Variants in INPP5K observed in about 807,000 individuals in gnomAD.
INPP5K encodes inositol polyphosphate-5-phosphatase K, also known as inositol polyphosphate 5-phosphatase K.
Under a neutral mutation model 53.5 loss-of-function variants are expected in INPP5K, and 35 were observed. The observed-to-expected ratio is 0.65, with a 90% confidence interval of 0.50 to 0.87. The LOEUF is 0.87. Ranked by LOEUF, INPP5K falls within the 40% of genes least tolerant of loss-of-function variation. The probability of loss-of-function intolerance (pLI) is 0.00; values close to 1 mark genes in which losing one functional copy is unlikely to be tolerated. For synonymous variants in INPP5K, 253 were observed against 232.8 expected (o/e 1.09, Z -0.79); for missense variants, 550 against 586.2 (o/e 0.94, Z 0.64).
At chr17:1,507,277 C>T (rs770857571) in intron 6 of INPP5K, 188 bp from the exon 7 acceptor site, 80 of 572,832 alleles carry the variant, frequency 1.4e-4, no homozygotes, top group Admixed American at 3.1e-4. Flanking sequence ...CGAATCCTTT[C>T]GGAAACATTA....
At chr17:1,509,880 CTA>C in intron 3 of INPP5K, 81 bp from the exon 4 acceptor site, 1 of 781,238 alleles carries the variant, frequency 1.3e-6, no homozygotes, top group Non-Finnish European at 2.2e-6. Context: ...GCTAGGGACT[CTA>C]GAGAGCCCTC....
rs758305290 is a variant in INPP5K, at chr17:1,509,185, C to T, written c.547G>A (p.Asp183Asn). 12 of 1,612,604 alleles carry T rather than the reference C, an allele frequency of 7.4e-6. No individual in the cohort carries two copies. The South Asian group carries it at 1.2e-4, about 16-fold the overall frequency. ...TGCCAGACCCAGGCTCACTCGTGGT[C>T]CAGGATGTTTGGGATGTCTCGCCCC... ...CEGRDIPNIL[D>N]HDLIIWFGDM... is the part of the protein sequence containing the mutation. Residue 183 changes from aspartate to asparagine, a missense_variant, in exon 5 of 12, where the codon GAC becomes AAC. Physicochemically the swap from Asp to Asn is conservative, Grantham distance 23. Transcript: ENST00000421807.
chr17:1,508,105 C>T lies in INPP5K; in HGVS notation c.666+10G>A. On this transcript the variant is annotated intron_variant, in intron 6 of 11. Coordinates refer to ENST00000421807, the MANE Select transcript of INPP5K (RefSeq NM_016532.4). ...AGATCACCCCCTGGGACCCTCCCCT[C>T]ACTGGATACCTGGTCCTTCTCCCAC... The T allele has an allele frequency of 3.1e-6, 5 of 1,597,010 alleles. No individual in the cohort carries two copies. Among genetic ancestry groups the T allele is most frequent in the Non-Finnish European group, 4.3e-6 (5 of 1,164,386 alleles).
At chr17:1,501,205 G>A (rs1470400472) in intron 7 of INPP5K, among the ~76,000 whole-genome samples, 2 of 152,218 alleles carry the variant, frequency 1.3e-5, no homozygotes, top group South Asian at 2.1e-4. Context: ...TGATCCGCCC[G>A]CCTCGGCCTC....
intron 4 of INPP5K, 73 bp downstream of exon 4, chr17:1,509,610 C>T: frequency 1.9e-6 from 2 of 1,074,562 alleles, no homozygotes; most frequent in Non-Finnish European, 2.9e-6. Context: ...CTTTCACTTC[C>T]TTTTTCTTTT....
rs2074836709 is a variant in INPP5K, at chr17:1,496,316, T to C, written c.1185+3A>G. 6.4e-7 allele frequency: 1 copy of C among 1,558,270 alleles called. No homozygotes were observed. Among genetic ancestry groups the C allele is most frequent in the Non-Finnish European group, 8.7e-7 (1 of 1,150,210 alleles). On this transcript the variant is annotated splice_donor_region_variant and intron_variant, in intron 10 of 11. Coordinates refer to ENST00000421807, the MANE Select transcript of INPP5K (RefSeq NM_016532.4). The stretch of plus-strand genomic sequence containing the variant: ...GGTGATGTACCTGGTGCTGGTGACG[T>C]ACCTGGTTCAGGTTGTCGCTGCAGG...
In INPP5K at chr17:1,513,943, C is replaced by T. The variant is rs375141992; in HGVS notation, c.81G>A (p.Ala27=). 3.0e-5 allele frequency: 49 copies of T among 1,612,332 alleles called. No individual in the cohort carries two copies. Among genetic ancestry groups the T allele is most frequent in the Non-Finnish European group, 3.6e-5 (43 of 1,178,932 alleles). ...HVVTWNVASA[A]PPLDLSDLLQ... ...GCAGGTCACTGAGATCTAGAGGGGG[C>T]GCTGCCGAAGCCACGTTCCAAGTCA... is the stretch of plus-strand genomic sequence containing the variant. Residue 27 remains alanine, a synonymous_variant, in exon 2 of 12, where the codon GCG becomes GCA. Coordinates refer to ENST00000421807, the MANE Select transcript of INPP5K (RefSeq NM_016532.4).
rs545073947 is a variant in INPP5K at position 1,500,618 on chromosome 17, G to A, written c.777-2496C>T. Among the ~76,000 whole-genome samples the A allele has an allele frequency of 2.0e-3, 311 of 152,258 alleles. 1 individual carries two copies. The highest frequency in any genetic ancestry group is 7.1e-3 in the African/African-American group (297 of 41,546). On this transcript the variant is annotated intron_variant, in intron 7 of 11. Transcript: ENST00000421807. ...CTGACCTCGTGATCTGCTCGCCTTGGCCTCCCAAAGTGCTGGATTACAGGC... is the reference window on the plus strand; with the variant it reads ...CTGACCTCGTGATCTGCTCGCCTTGACCTCCCAAAGTGCTGGATTACAGGC...
Position 1,498,083 on chromosome 17 carries a change from C to T in INPP5K, c.816G>A (p.Leu272=), listed in dbSNP as rs2074907895. ...KRKPAWTDRI[L]WRLKRQPCAG... is the part of the protein sequence containing the mutation. ...CACAGGGCTGCCGCTTCAGCCTCCACAGGATGCGATCGGTCCATGCAGGCT... is the reference window on the plus strand; with the variant it reads ...CACAGGGCTGCCGCTTCAGCCTCCATAGGATGCGATCGGTCCATGCAGGCT... Residue 272 remains leucine (L), a synonymous_variant, in exon 8 of 12, where the codon CTG becomes CTA. Coordinates refer to ENST00000421807, the MANE Select transcript of INPP5K (RefSeq NM_016532.4). 2.5e-6 allele frequency: 4 copies of T among 1,613,770 alleles called. No individual in the cohort carries two copies. In the Admixed American group the frequency reaches 5.0e-5, roughly 20 times the overall value.
intron 6 of INPP5K, 25 bp downstream of exon 6, chr17:1,508,090 C>T (rs1567559154): frequency 2.0e-6 from 3 of 1,536,464 alleles, no homozygotes; most frequent in Non-Finnish European, 2.7e-6. Flanking sequence ...AGATCACCCC[C>T]TGGGACCCTC....
intron 1 of INPP5K, chr17:1,515,343 A>T: frequency 1.3e-6 from 1 of 763,018 alleles, no homozygotes; most frequent in Non-Finnish European, 1.6e-6. Flanking sequence ...ACCTCAGCTT[A>T]CAAGTCTTAG....
At chr17:1,505,859 A>G (rs554312596) in intron 7 of INPP5K, among the ~76,000 whole-genome samples, 5 of 152,240 alleles carry the variant, frequency 3.3e-5, no homozygotes, top group Non-Finnish European at 5.9e-5. Context: ...CATGACATGT[A>G]AGGGGCTCTT....
chr17:1,499,126 G>A (rs1178608022), intron 7 of INPP5K, among the ~76,000 whole-genome samples: 2 of 152,218 alleles, frequency 1.3e-5, no homozygotes, highest in African/African-American at 4.8e-5. Context: ...TTGCTAGGAT[G>A]AGTCAATGAG....
intron 8 of INPP5K, 113 bp from the exon 9 acceptor site, chr17:1,496,916 G>A: frequency 2.7e-6 from 3 of 1,104,922 alleles, no homozygotes; most frequent in Non-Finnish European, 3.9e-6. Context: ...GGCACCCAGA[G>A]GGGGTGGGCA....
At chr17:1,502,161 A>G (rs113610709) in intron 7 of INPP5K, among the ~76,000 whole-genome samples, 27,956 of 151,818 alleles carry the variant, frequency 0.18, 3,379 homozygotes, top group South Asian at 0.36. Flanking sequence ...CATCCTGGCT[A>G]ACATGGTGAA....
At position 1,509,869 on chromosome 17, in the gene INPP5K, T is replaced by C; in HGVS notation, c.262-70A>G. ...CCAAGTGCATCCCTTCCAAGCTCCGTGCTAGGGACTCTAGAGAGCCCTCAG... is the reference window on the plus strand; with the variant it reads ...CCAAGTGCATCCCTTCCAAGCTCCGCGCTAGGGACTCTAGAGAGCCCTCAG... On this transcript the variant is annotated intron_variant, in intron 3 of 11. Transcript: ENST00000421807. 1.5e-5 allele frequency: 13 copies of C among 893,334 alleles called. No individual in the cohort carries two copies. In the South Asian group the frequency reaches 1.9e-4, roughly 13 times the overall value. 55.3% of individuals were successfully genotyped at this position (893,334 alleles called of 1,614,324 possible). A position where few individuals can be genotyped will look rare whatever the true frequency, so the allele number is the denominator to read the frequency against.
intron 9 of INPP5K, 118 bp downstream of exon 9, chr17:1,496,548 A>G: frequency 7.0e-7 from 1 of 1,438,028 alleles, no homozygotes; most frequent in Non-Finnish European, 9.7e-7. Flanking sequence ...TAGCTACAGA[A>G]GAACCGCTGG....
At chr17:1,509,135 G>A (rs773683455) in intron 5 of INPP5K, 43 bp downstream of exon 5, 21 of 1,374,100 alleles carry the variant, frequency 1.5e-5, no homozygotes, top group East Asian at 2.7e-5. Context: ...GGGGGTTAGC[G>A]TGGGGCAGAG....
chr17:1,498,092 ATCGG>A lies in INPP5K; in HGVS notation c.803_806del (p.Thr268IlefsTer7). 1 of 1,613,600 alleles carries A rather than the reference ATCGG, an allele frequency of 6.2e-7. No homozygotes were observed. The highest frequency in any genetic ancestry group is 8.5e-7 in the Non-Finnish European group (1 of 1,179,728). On this transcript the variant is annotated frameshift_variant, in exon 8 of 12. Transcript: ENST00000421807. LOFTEE classifies it high-confidence loss of function. The stretch of plus-strand genomic sequence containing the variant: ...GCCGCTTCAGCCTCCACAGGATGCG[ATCGG>A]TCCATGCAGGCTTGCGTTTTTTCTC...
Sources: allele counts gnomAD v4.1 joint callset (sites outside exome capture counted in the v4.1 genomes callset), GRCh38; gene constraint gnomAD v4.1.1; transcripts MANE v1.5; gene names NCBI Gene and HGNC (gene_info 2026-07-23, HGNC 2026-07-21).